Variants in NFATC2 observed in about 807,000 individuals in gnomAD.
NFATC2 encodes the protein nuclear factor of activated T cells 2.
A neutral mutation model predicts 87.3 loss-of-function variants in NFATC2; 22 were observed. The observed-to-expected ratio is 0.25, with a 90% CI of 0.18 to 0.36. The LOEUF is 0.36. NFATC2 is among the 10% of genes least tolerant of loss of function. The pLI is 1.00. For synonymous variants in NFATC2, 565 were observed against 542.2 expected (o/e 1.04, Z -0.58); for missense variants, 1,149 against 1,259.1 (o/e 0.91, Z 1.32).
intron 1 of NFATC2, among the ~76,000 whole-genome samples, chr20:51,556,803 C>T (rs967313957): frequency 6.6e-6 from 1 of 152,180 alleles, no homozygotes; most frequent in Non-Finnish European, 1.5e-5. Flanking sequence ...GGGAAAGAAA[C>T]ACCCAGCTGG....
intron 1 of NFATC2, among the ~76,000 whole-genome samples, chr20:51,556,915 T>C (rs1389210389): frequency 1.3e-5 from 2 of 152,044 alleles, no homozygotes; most frequent in African/African-American, 4.8e-5. Flanking sequence ...AGTCATTGCG[T>C]GGTGCAGAAA....
chr20:51,391,349 G>T lies in NFATC2; in HGVS notation c.*147C>A, dbSNP rs1438499458. 4 of 1,590,402 alleles carry T rather than the reference G, an allele frequency of 2.5e-6. No homozygotes were observed. The highest frequency in any genetic ancestry group is 3.5e-6 in the Non-Finnish European group (4 of 1,158,878). On this transcript the variant is annotated 3_prime_UTR_variant, in exon 11 of 11. Coordinates refer to ENST00000371564, the MANE Select transcript of NFATC2 (RefSeq NM_012340.5). ...GACAGAAGGTGAGGGGCTGTGGAGG[G>T]CTCCGAGGGGTCAGATACAGAAGGT...
At chr20:51,479,488 G>A (rs8114029) in intron 3 of NFATC2, among the ~76,000 whole-genome samples, 11,197 of 152,144 alleles carry the variant, frequency 0.074, 608 homozygotes, top group East Asian at 0.16. Flanking sequence ...GCATAGTGTC[G>A]CACGTCCGTA....
At chr20:51,555,603 A>G (rs2076971848) in intron 1 of NFATC2, among the ~76,000 whole-genome samples, 1 of 151,888 alleles carries the variant, frequency 6.6e-6, no homozygotes, top group African/African-American at 2.4e-5. Flanking sequence ...CAAAAAAAAA[A>G]AAAGATCCTA....
At chr20:51,541,760 T>C (rs1169928426) in intron 1 of NFATC2, among the ~76,000 whole-genome samples, 1 of 152,194 alleles carries the variant, frequency 6.6e-6, no homozygotes, top group Admixed American at 6.5e-5. Flanking sequence ...GCCGGCCTTA[T>C]AATACCAAAG....
intron 6 of NFATC2, among the ~76,000 whole-genome samples, chr20:51,447,397 C>G (rs1024486054): frequency 6.6e-6 from 1 of 152,166 alleles, no homozygotes; most frequent in Non-Finnish European, 1.5e-5. Context: ...CCTACGCCCC[C>G]GCAGGACACA....
chr20:51,490,606 C>T (rs1210813190), intron 3 of NFATC2, among the ~76,000 whole-genome samples: 4 of 152,062 alleles, frequency 2.6e-5, no homozygotes, highest in African/African-American at 9.7e-5. Flanking sequence ...ACCAGGATCA[C>T]CAGCAGGAAA....
intron 5 of NFATC2, among the ~76,000 whole-genome samples, chr20:51,461,103 T>C (rs540221806): frequency 6.6e-6 from 1 of 152,332 alleles, no homozygotes; most frequent in South Asian, 2.1e-4. Context: ...AAAGAGGAAC[T>C]GAAGCCAGCG....
chr20:51,396,690 A>G (rs1404606484), intron 10 of NFATC2, among the ~76,000 whole-genome samples: 1 of 152,142 alleles, frequency 6.6e-6, no homozygotes, highest in Non-Finnish European at 1.5e-5. Flanking sequence ...GAGGGGGCCC[A>G]AGGCACCACC....
chr20:51,505,835 A>C (rs1220232174), intron 3 of NFATC2, among the ~76,000 whole-genome samples: 1 of 152,130 alleles, frequency 6.6e-6, no homozygotes, highest in African/African-American at 2.4e-5. Context: ...GTCTGCCCCT[A>C]ACTCACACCC....
At chr20:51,405,669 C>T (rs1392952986) in intron 9 of NFATC2, among the ~76,000 whole-genome samples, 1 of 152,146 alleles carries the variant, frequency 6.6e-6, no homozygotes, top group Non-Finnish European at 1.5e-5. Flanking sequence ...AAGGCACAGA[C>T]CTCATCTCTC....
At chr20:51,453,943 G>A (rs1398650903) in intron 6 of NFATC2, among the ~76,000 whole-genome samples, 1 of 152,212 alleles carries the variant, frequency 6.6e-6, no homozygotes, top group Non-Finnish European at 1.5e-5. Flanking sequence ...ATAGATTCAT[G>A]TACAAGATTA....
chr20:51,459,603 C>T (rs1440729634), intron 5 of NFATC2, among the ~76,000 whole-genome samples: 3 of 152,198 alleles, frequency 2.0e-5, no homozygotes, highest in Admixed American at 6.5e-5. Flanking sequence ...TTTGGCTGGG[C>T]GCAGTGGCTC....
chr20:51,524,129 AG>A lies in NFATC2; in HGVS notation c.131-20del, dbSNP rs1430973593. The A allele has an allele frequency of 1.4e-6, 2 of 1,440,210 alleles. No homozygotes were observed. Among genetic ancestry groups the A allele is most frequent in the African/African-American group, 3.0e-5 (2 of 67,326 alleles). 89.2% of individuals were successfully genotyped at this position (1,440,210 alleles called of 1,614,324 possible). ...GGCTCTTCTGGAAAGAGAAGGGGGA[AG>A]GGGGTTCTTTTTAAGCCTCAAAAAC... On this transcript the variant is annotated intron_variant, in intron 1 of 10. Coordinates refer to ENST00000371564, the MANE Select transcript of NFATC2 (RefSeq NM_012340.5). This position sits in a 1 kb window ranked among gnomAD's most constrained non-coding sequence, Gnocchi z 4.0.
intron 3 of NFATC2, 33 bp downstream of exon 3, chr20:51,516,751 C>A: frequency 6.4e-7 from 1 of 1,562,980 alleles, no homozygotes; most frequent in South Asian, 1.2e-5. Flanking sequence ...TGACAAACAC[C>A]ACACACAAAA....
At chr20:51,525,607 G>A (rs1334771348) in intron 1 of NFATC2, among the ~76,000 whole-genome samples, 2 of 150,450 alleles carry the variant, frequency 1.3e-5, no homozygotes, top group African/African-American at 4.9e-5. Flanking sequence ...CTCATGGGGC[G>A]GCCTGGACTC....
intron 9 of NFATC2, 148 bp from the exon 10 acceptor site, chr20:51,398,878 C>T (rs1467624560): frequency 3.2e-6 from 2 of 628,176 alleles, no homozygotes; most frequent in Admixed American, 5.5e-5. Context: ...TCTGCAACAT[C>T]TTAGCATTTG....
At chr20:51,542,313 C>A (rs1297600888) in intron 1 of NFATC2, 57 bp downstream of exon 1, 1 of 1,567,408 alleles carries the variant, frequency 6.4e-7, no homozygotes, top group African/African-American at 1.4e-5. Context: ...GTGCCCAGTC[C>A]CCAGGCCTGA....
At chr20:51,473,756 T>A (rs1988450601) in intron 5 of NFATC2, among the ~76,000 whole-genome samples, 1 of 152,242 alleles carries the variant, frequency 6.6e-6, no homozygotes, top group Non-Finnish European at 1.5e-5. Flanking sequence ...TTAAATTTCC[T>A]GTGAGGCCAC....
Sources: gnomAD v4.1 joint callset for allele counts (sites outside exome capture counted in the v4.1 genomes callset) on GRCh38, gnomAD v4.1.1 for gene constraint, Gnocchi (gnomAD v3.1) non-coding constraint, MANE v1.5 for transcripts, NCBI Gene and HGNC (gene_info 2026-07-23, HGNC 2026-07-21) for gene names.